Variants in RBMS3 observed in about 807,000 individuals in gnomAD.
The protein encoded by RBMS3 is RNA binding motif single stranded interacting protein 3, also known as RNA-binding motif, single-stranded-interacting protein 3.
In RBMS3, 27 loss-of-function variants were observed where a neutral mutation model predicts 66.8. The ratio of observed to expected loss-of-function variants is 0.40; its 90% CI spans 0.30 to 0.56. The LOEUF is 0.56. Ranked by LOEUF, RBMS3 falls within the 20% of genes least tolerant of loss-of-function variation. The pLI, the probability that RBMS3 is intolerant of heterozygous loss-of-function variation, is 0.40. For missense variants in RBMS3, 513 were observed against 549.5 expected (o/e 0.93, Z 0.66); for synonymous variants, 188 against 183.0 (o/e 1.03, Z -0.22).
chr3:29,895,235 T>C (rs2060098788), intron 8 of RBMS3, among the ~76,000 whole-genome samples: 1 of 151,622 alleles, frequency 6.6e-6, no homozygotes, highest in Non-Finnish European at 1.5e-5. Flanking sequence ...GAAAGATGAA[T>C]GTTTTCTTAC....
intron 3 of RBMS3, among the ~76,000 whole-genome samples, chr3:29,507,152 A>C (rs1311499332): frequency 6.6e-6 from 1 of 151,136 alleles, no homozygotes; most frequent in Non-Finnish European, 1.5e-5. Flanking sequence ...GATTCCTTGA[A>C]GTTTAACATT....
At chr3:29,746,028 C>T (rs1163571103) in intron 5 of RBMS3, among the ~76,000 whole-genome samples, 4 of 151,952 alleles carry the variant, frequency 2.6e-5, no homozygotes, top group African/African-American at 9.7e-5. Flanking sequence ...TATTTATTTA[C>T]CTTCTACTGC....
chr3:29,687,607 CT>C (rs1415421170), intron 4 of RBMS3, among the ~76,000 whole-genome samples: 1 of 152,220 alleles, frequency 6.6e-6, no homozygotes, highest in African/African-American at 2.4e-5. Context: ...TGATAAATAA[CT>C]ACTGATAATT....
At chr3:29,317,910 A>C (rs2034783981) in intron 1 of RBMS3, among the ~76,000 whole-genome samples, 1 of 151,856 alleles carries the variant, frequency 6.6e-6, no homozygotes, top group East Asian at 1.9e-4. Context: ...TGGAGTTTAC[A>C]GGACAGCTTT....
intron 14 of RBMS3, among the ~76,000 whole-genome samples, chr3:29,997,759 G>C (rs1017904602): frequency 6.6e-6 from 1 of 151,930 alleles, no homozygotes; most frequent in Non-Finnish European, 1.5e-5. Context: ...GGTATCGATG[G>C]GACGTATTTC....
At chr3:29,566,384 G>A (rs563540207) in intron 3 of RBMS3, among the ~76,000 whole-genome samples, 1 of 152,176 alleles carries the variant, frequency 6.6e-6, no homozygotes, top group Admixed American at 6.5e-5. Flanking sequence ...CCAAAATATA[G>A]TAAAGCAGTA....
intron 2 of RBMS3, among the ~76,000 whole-genome samples, chr3:29,454,422 C>CCCAGGAGA (rs1332617160): frequency 6.6e-6 from 1 of 152,178 alleles, no homozygotes; most frequent in Non-Finnish European, 1.5e-5. Context: ...TAATTCTCAA[C>CCCAGGAGA]ATCTTTGAAA....
intron 2 of RBMS3, 146 bp from the exon 3 acceptor site, chr3:29,488,295 A>G: frequency 1.7e-6 from 1 of 597,070 alleles, no homozygotes; most frequent in South Asian, 2.1e-5. Context: ...GTGAAAGGAC[A>G]TCATCCAGGT....
chr3:29,538,080 G>A (rs961730926), intron 3 of RBMS3, among the ~76,000 whole-genome samples: 3 of 152,104 alleles, frequency 2.0e-5, no homozygotes, highest in Non-Finnish European at 4.4e-5. Flanking sequence ...AATGGCCCTA[G>A]GGTAACATGT....
At chr3:29,944,965 T>C (rs1019143150) in intron 12 of RBMS3, among the ~76,000 whole-genome samples, 1 of 151,758 alleles carries the variant, frequency 6.6e-6, no homozygotes, top group African/African-American at 2.4e-5. Context: ...AAGAGGTGGA[T>C]TTTTATTTTG....
chr3:29,878,383 C>T (rs1488159172), intron 7 of RBMS3, among the ~76,000 whole-genome samples: 1 of 151,976 alleles, frequency 6.6e-6, no homozygotes, highest in Non-Finnish European at 1.5e-5. Context: ...ACATAGGAGA[C>T]CCTCAATTTC....
intron 3 of RBMS3, among the ~76,000 whole-genome samples, chr3:29,510,708 T>G (rs1449436123): frequency 2.0e-5 from 3 of 152,188 alleles, no homozygotes; most frequent in African/African-American, 7.2e-5. Context: ...ACATTTCAAA[T>G]TTTAGAGCTT....
At chr3:29,538,159 A>G (rs2045640997) in intron 3 of RBMS3, among the ~76,000 whole-genome samples, 1 of 152,204 alleles carries the variant, frequency 6.6e-6, no homozygotes, top group East Asian at 1.9e-4. Context: ...GATTTGACTC[A>G]AGAAACATGA....
intron 1 of RBMS3, among the ~76,000 whole-genome samples, chr3:29,400,170 T>C (rs1253944538): frequency 6.6e-6 from 1 of 152,192 alleles, no homozygotes; most frequent in African/African-American, 2.4e-5. Flanking sequence ...GATATCTGTA[T>C]TTCATTCTGA....
At chr3:29,318,453 C>G (rs1000081312) in intron 1 of RBMS3, among the ~76,000 whole-genome samples, 7 of 151,842 alleles carry the variant, frequency 4.6e-5, no homozygotes, top group African/African-American at 1.7e-4. Context: ...TATTTGGTAT[C>G]TGGCTAATAT....
chr3:29,479,653 C>A (rs188604595), intron 2 of RBMS3, among the ~76,000 whole-genome samples: 1 of 152,110 alleles, frequency 6.6e-6, no homozygotes, highest in African/African-American at 2.4e-5. Flanking sequence ...TTTGAAGGAC[C>A]TGTATTATTT....
intron 3 of RBMS3, among the ~76,000 whole-genome samples, chr3:29,511,995 T>C (rs1168835902): frequency 1.3e-5 from 2 of 152,126 alleles, no homozygotes; most frequent in East Asian, 3.9e-4. Context: ...GCAATTAAAA[T>C]CTTATGTTAT....
At chr3:29,703,692 G>A (rs1403271779) in intron 4 of RBMS3, among the ~76,000 whole-genome samples, 2 of 152,162 alleles carry the variant, frequency 1.3e-5, no homozygotes, top group Admixed American at 6.5e-5. Flanking sequence ...GGATTTAGAA[G>A]ATTTAGAGCC....
chr3:29,286,495 TATC>T (rs2032347782), intron 1 of RBMS3, among the ~76,000 whole-genome samples: 1 of 152,076 alleles, frequency 6.6e-6, no homozygotes, highest in South Asian at 2.1e-4. Flanking sequence ...TTAAGGAAAA[TATC>T]ATGTATATTT....
Sources: allele counts gnomAD v4.1 joint callset (sites outside exome capture counted in the v4.1 genomes callset), GRCh38; gene constraint gnomAD v4.1.1; transcripts MANE v1.5; gene names NCBI Gene and HGNC (gene_info 2026-07-23, HGNC 2026-07-21).